The following DAPK2 variants were observed in gnomAD, a reference collection of about 807,000 sequenced individuals.
DAPK2 encodes death associated protein kinase 2, also known as death-associated protein kinase 2.
A neutral mutation model predicts 44.1 loss-of-function variants in DAPK2; 35 were observed. That is an observed-to-expected ratio of 0.79 (90% CI 0.61 to 1.05). The LOEUF (loss-of-function observed/expected upper bound fraction) is 1.05. Ranked by LOEUF, DAPK2 falls within the 50% of genes least tolerant of loss-of-function variation. DAPK2 has a pLI of 0.00. For synonymous variants in DAPK2, 174 were observed against 182.6 expected (o/e 0.95, Z 0.38); for missense variants, 453 against 483.2 (o/e 0.94, Z 0.59).
chr15:64,029,890 A>C (rs933774041), intron 1 of DAPK2: 1 of 152,228 alleles, frequency 6.6e-6, no homozygotes, highest in African/African-American at 2.4e-5. Context: ...CCTGAGTTAC[A>C]AGAGACCACT....
chr15:64,035,046 T>C (rs1243353447), intron 1 of DAPK2, among the ~76,000 whole-genome samples: 3 of 151,972 alleles, frequency 2.0e-5, no homozygotes, highest in Non-Finnish European at 4.4e-5. Flanking sequence ...CGTGTGCCTG[T>C]AATCCTAGCT....
intron 5 of DAPK2, 134 bp from the exon 7 acceptor site, chr15:63,929,711 C>A: frequency 1.0e-6 from 1 of 994,010 alleles, no homozygotes. Context: ...TCTCATGCTC[C>A]ACACCCATCT....
chr15:63,979,090 A>G (rs1217550861), intron 2 of DAPK2, among the ~76,000 whole-genome samples: 3 of 152,176 alleles, frequency 2.0e-5, no homozygotes. Flanking sequence ...CGCTTTCCAC[A>G]GGCTTGGAAT....
At chr15:63,948,667 G>A (rs2077512890) in intron 3 of DAPK2, among the ~76,000 whole-genome samples, 1 of 152,160 alleles carries the variant, frequency 6.6e-6, no homozygotes, top group Admixed American at 6.5e-5. Flanking sequence ...GCTGAAGGCA[G>A]GGCCTGCTTC....
intron 1 of DAPK2, among the ~76,000 whole-genome samples, chr15:63,992,041 G>A (rs931411899): frequency 1.3e-5 from 2 of 152,104 alleles, no homozygotes; most frequent in African/African-American, 2.4e-5. Context: ...GGTACAGGGA[G>A]TCAGAAAAAC....
chr15:64,014,577 A>G (rs2079472175), intron 1 of DAPK2, among the ~76,000 whole-genome samples: 1 of 152,246 alleles, frequency 6.6e-6, no homozygotes, highest in Non-Finnish European at 1.5e-5. Flanking sequence ...CTTACATCTA[A>G]CTGGAAAAAC....
intron 3 of DAPK2, among the ~76,000 whole-genome samples, chr15:63,943,405 G>A (rs1020032855): frequency 3.3e-5 from 5 of 152,150 alleles, no homozygotes; most frequent in African/African-American, 1.2e-4. Flanking sequence ...TCCAGACTTG[G>A]CAACAGAGTG....
chr15:64,018,900 G>T (rs1157640924), intron 1 of DAPK2, among the ~76,000 whole-genome samples: 2 of 152,158 alleles, frequency 1.3e-5, no homozygotes, highest in Non-Finnish European at 2.9e-5. Flanking sequence ...TTGAGTCCAG[G>T]GCCTGCTGCT....
chr15:64,037,983 TC>T (rs2080254711), intron 1 of DAPK2, among the ~76,000 whole-genome samples: 1 of 152,188 alleles, frequency 6.6e-6, no homozygotes, highest in Non-Finnish European at 1.5e-5. Flanking sequence ...GCATGGGATC[TC>T]CACACCCTGT....
At chr15:63,913,614 C>G (rs1210432601) in intron 8 of DAPK2, among the ~76,000 whole-genome samples, 3 of 152,184 alleles carry the variant, frequency 2.0e-5, no homozygotes, top group Admixed American at 6.5e-5. Context: ...GTCTCCTAAC[C>G]ATGCTCGGAG....
chr15:63,976,356 C>T (rs553758426), intron 2 of DAPK2, among the ~76,000 whole-genome samples: 20 of 151,976 alleles, frequency 1.3e-4, no homozygotes, highest in Admixed American at 1.1e-3. Flanking sequence ...AAATATTTTC[C>T]ATTAAATACA....
chr15:63,936,770 G>A (rs117648872), intron 4 of DAPK2, among the ~76,000 whole-genome samples: 4,872 of 151,744 alleles, frequency 0.032, 124 homozygotes, highest in South Asian at 0.09. Context: ...ACTTGAATCC[G>A]GGAGTTTGAG....
chr15:63,929,719 T>A, intron 5 of DAPK2, 142 bp from the exon 7 acceptor site: 1 of 927,156 alleles, frequency 1.1e-6, no homozygotes, highest in South Asian at 1.4e-5. Flanking sequence ...TCCACACCCA[T>A]CTCCATCCTG....
intron 3 of DAPK2, among the ~76,000 whole-genome samples, chr15:63,944,774 C>T (rs138669734): frequency 0.034 from 5,148 of 152,230 alleles, 110 homozygotes; most frequent in South Asian, 0.091. Flanking sequence ...CTTCAGTGGT[C>T]CCACTGGCCA....
rs1358381211 is a variant in DAPK2 at position 63,917,404 on chromosome 15, A to G, written c.859-5207T>C. ...AAAAAAGAAGAAGAAAATCCTTAGC[A>G]GAGATTTATGCTGGAGAACTTATGA... On this transcript the variant is annotated intron_variant, in intron 8 of 10. Coordinates refer to ENST00000261891, the Ensembl canonical transcript of DAPK2. This position sits in a 1 kb window ranked among gnomAD's most constrained non-coding sequence, Gnocchi z 4.4. The G allele has an allele frequency of 6.6e-6, 1 of 152,052 alleles. No individual in the cohort carries two copies. Among genetic ancestry groups the G allele is most frequent in the Non-Finnish European group, 1.5e-5 (1 of 68,006 alleles). The allele number at this position is 152,052 out of a possible 1,614,324, so 9.4% of individuals were successfully genotyped here.
In DAPK2 at chr15:63,990,020, A is replaced by C. The variant is rs2078774213; in HGVS notation, c.93-6266T>G. ...TATTGGTTTTAAATTCTCAAAAGGC[A>C]ATATACCCCTTACGGCCTGCATCAA... is the stretch of plus-strand genomic sequence containing the variant. On this transcript the variant is annotated intron_variant, in intron 1 of 10. Transcript: ENST00000261891. This position sits in a 1 kb window ranked among gnomAD's most constrained non-coding sequence, Gnocchi z 4.3. 6.6e-6 allele frequency among the ~76,000 whole-genome samples: 1 copy of C among 152,110 alleles called. No individual in the cohort carries two copies.
At chr15:64,027,276 C>T (rs148968480) in intron 1 of DAPK2, among the ~76,000 whole-genome samples, 7,580 of 152,068 alleles carry the variant, frequency 0.05, 314 homozygotes, top group African/African-American at 0.12. Flanking sequence ...CTCAGCTACT[C>T]GGGAGGCTGA....
At chr15:64,006,350 C>T (rs1806031384) in intron 1 of DAPK2, among the ~76,000 whole-genome samples, 1 of 152,110 alleles carries the variant, frequency 6.6e-6, no homozygotes, top group African/African-American at 2.4e-5. Flanking sequence ...CATCAGAGGC[C>T]ATAAGCCCCC....
intron 1 of DAPK2, among the ~76,000 whole-genome samples, chr15:64,034,657 T>G (rs2080125622): frequency 2.1e-5 from 1 of 48,038 alleles, no homozygotes; most frequent in Non-Finnish European, 5.5e-5. Context: ...TATCTGTTTG[T>G]TCGTTTGTTT....
Sources: allele counts gnomAD v4.1 joint callset (sites outside exome capture counted in the v4.1 genomes callset), GRCh38; gene constraint gnomAD v4.1.1; non-coding constraint Gnocchi (gnomAD v3.1); transcripts MANE v1.5; gene names NCBI Gene and HGNC (gene_info 2026-07-23, HGNC 2026-07-21).